BLK: variants seen among roughly 807,000 people sequenced by gnomAD.
The protein encoded by BLK is tyrosine-protein kinase Blk.
BLK carries 64 observed loss-of-function variants against 61.8 expected under a neutral mutation model. That is an observed-to-expected ratio of 1.03 (90% confidence interval 0.85 to 1.27). The LOEUF is 1.27. BLK is among the 50% of genes most tolerant of loss of function. The pLI, the probability that BLK is intolerant of heterozygous loss-of-function variation, is 0.00. For synonymous variants in BLK, 351 were observed against 272.0 expected, an observed-to-expected ratio of 1.29 and a Z score of -2.86; for missense variants, 853 against 660.5, an observed-to-expected ratio of 1.29 and a Z score of -3.19.
At chr8:11,519,526 G>T (rs994001780) in intron 1 of BLK, among the ~76,000 whole-genome samples, 2 of 152,130 alleles carry the variant, frequency 1.3e-5, no homozygotes, top group African/African-American at 2.4e-5. Flanking sequence ...CATTAAAAAG[G>T]TTTATGGTAC....
At position 11,555,409 on chromosome 8, in the gene BLK, G is replaced by A. The variant is rs751627957; in HGVS notation, c.697G>A (p.Glu233Lys). The A allele has an allele frequency of 1.4e-5, 22 of 1,614,076 alleles. No individual in the cohort carries two copies. In the South Asian group the frequency reaches 2.0e-4, roughly 14 times the overall value. ...CCCGCAGAATCCCTGGGCCCAGGATGAATGGGAGATCCCCCGGCAGTCTCT... is the reference window on the plus strand; with the variant it reads ...CCCGCAGAATCCCTGGGCCCAGGATAAATGGGAGATCCCCCGGCAGTCTCT... Reference protein sequence around the residue: ...PAPQNPWAQDEWEIPRQSLRL... With the variant: ...PAPQNPWAQDKWEIPRQSLRL... Residue 233 changes from glutamate to lysine, a missense_variant, in exon 8 of 13, where the codon GAA (glutamate) becomes AAA (lysine). Glu to Lys is a moderately conservative substitution (Grantham distance 56). Coordinates refer to ENST00000259089, the MANE Select transcript of BLK (RefSeq NM_001715.3).
At chr8:11,506,878 G>A (rs1798789896) in intron 1 of BLK, among the ~76,000 whole-genome samples, 1 of 152,208 alleles carries the variant, frequency 6.6e-6, no homozygotes, top group Non-Finnish European at 1.5e-5. Flanking sequence ...TGCCCAAACT[G>A]ACTCAACAAG....
At chr8:11,540,898 G>T (rs1800345787) in intron 1 of BLK, among the ~76,000 whole-genome samples, 1 of 150,250 alleles carries the variant, frequency 6.7e-6, no homozygotes, top group Non-Finnish European at 1.5e-5. Context: ...CTGTTACAAA[G>T]CCAGCGCACC....
chr8:11,503,921 G>T (rs1798661048), intron 1 of BLK, among the ~76,000 whole-genome samples: 2 of 152,146 alleles, frequency 1.3e-5, no homozygotes, highest in African/African-American at 4.8e-5. Flanking sequence ...ACTAGCAAGT[G>T]GGAATCAAAA....
intron 1 of BLK, among the ~76,000 whole-genome samples, chr8:11,539,086 G>A (rs1348369669): frequency 2.0e-5 from 3 of 149,730 alleles, no homozygotes; most frequent in Admixed American, 2.0e-4. Flanking sequence ...TTTTTTTTTT[G>A]TTTTGTTTTG....
intron 1 of BLK, among the ~76,000 whole-genome samples, chr8:11,508,960 A>G (rs943616982): frequency 6.6e-6 from 1 of 152,022 alleles, no homozygotes; most frequent in African/African-American, 2.4e-5. Context: ...CTACTCATCA[A>G]TTCCCCCCAG....
intron 4 of BLK, 117 bp downstream of exon 4, chr8:11,548,242 C>A: frequency 1.2e-6 from 1 of 856,758 alleles, no homozygotes; most frequent in Non-Finnish European, 1.9e-6. Flanking sequence ...CATCGCCCTG[C>A]CCCCAGCCCT....
At chr8:11,519,890 A>T (rs1799372704) in intron 1 of BLK, among the ~76,000 whole-genome samples, 1 of 152,208 alleles carries the variant, frequency 6.6e-6, no homozygotes, top group Admixed American at 6.5e-5. Flanking sequence ...CAGAAAGACT[A>T]AGAAGAAATA....
At chr8:11,513,440 T>A (rs1480359599) in intron 1 of BLK, among the ~76,000 whole-genome samples, 1 of 152,108 alleles carries the variant, frequency 6.6e-6, no homozygotes, top group Non-Finnish European at 1.5e-5. Context: ...GGCATGAGAG[T>A]GCCAGGGCTG....
rs780324421 is a variant in BLK at position 11,554,834 on chromosome 8, C to CATCT, written c.565_568dup (p.Ser190TyrfsTer19). 2 of 1,614,026 alleles carry CATCT rather than the reference C, an allele frequency of 1.2e-6. No individual in the cohort carries two copies. Among genetic ancestry groups the CATCT allele is most frequent in the Non-Finnish European group, 1.7e-6 (2 of 1,179,988 alleles). ...GCTGCCTGGATGAAGGGGGCTACTA[C>CATCT]ATCTCCCCCCGGATCACCTTCCCCT... On this transcript the variant is annotated frameshift_variant, in exon 7 of 13. Transcript: ENST00000259089. LOFTEE classifies it high-confidence loss of function.
chr8:11,501,871 G>A (rs2618469), intron 1 of BLK, among the ~76,000 whole-genome samples: 127,914 of 152,100 alleles, frequency 0.84, 53,995 homozygotes, highest in Admixed American at 0.89. Context: ...GAACTGGGTA[G>A]TAGTTTTTCA....
At chr8:11,545,369 C>T (rs774901278) in intron 2 of BLK, among the ~76,000 whole-genome samples, 3 of 152,028 alleles carry the variant, frequency 2.0e-5, no homozygotes, top group African/African-American at 4.8e-5. Context: ...GCCAACATGG[C>T]GAAAACCTGT....
intron 1 of BLK, among the ~76,000 whole-genome samples, chr8:11,541,522 G>A (rs1412278496): frequency 1.3e-5 from 2 of 149,924 alleles, no homozygotes; most frequent in Non-Finnish European, 3.0e-5. Context: ...TTTCGAGATG[G>A]AGTCTCACTC....
chr8:11,549,987 G>A (rs933184224), intron 5 of BLK, 172 bp from the exon 6 acceptor site: 48 of 680,732 alleles, frequency 7.1e-5, no homozygotes, highest in Non-Finnish European at 1.3e-4. Context: ...GGGCAGCGGG[G>A]CAGAGGGCAC....
chr8:11,531,051 T>C (rs1467912416), intron 1 of BLK, among the ~76,000 whole-genome samples: 1 of 152,222 alleles, frequency 6.6e-6, no homozygotes, highest in Admixed American at 6.5e-5. Flanking sequence ...GGTTGTGTGG[T>C]GGCATTTCAC....
chr8:11,561,339 C>G lies in BLK; in HGVS notation c.1067C>G (p.Ser356Cys), dbSNP rs749149481. Residue 356 changes from serine (S) to cysteine (C), a missense_variant, in exon 11 of 13, where the codon TCC (serine) becomes TGC (cysteine). Transcript: ENST00000259089. ...EGMAYIERMN[S>C]IHRDLRAANI... The stretch of plus-strand genomic sequence containing the variant: ...ATGGCATACATTGAGCGCATGAATT[C>G]CATCCACCGCGACCTGCGGGCGGCC... 1.2e-6 allele frequency: 2 copies of G among 1,614,034 alleles called. No homozygotes were observed. The highest frequency in any genetic ancestry group is 3.3e-5 in the Admixed American group (2 of 60,012).
At chr8:11,550,067 C>T (rs1301105922) in intron 5 of BLK, 92 bp from the exon 6 acceptor site, 1 of 1,157,204 alleles carries the variant, frequency 8.6e-7, no homozygotes, top group African/African-American at 1.5e-5. Context: ...ATTTTTATTT[C>T]TTGGGGACAG....
At chr8:11,536,010 A>G (rs1800118135) in intron 1 of BLK, among the ~76,000 whole-genome samples, 1 of 152,268 alleles carries the variant, frequency 6.6e-6, no homozygotes, top group Non-Finnish European at 1.5e-5. Context: ...GTTGAGTTAT[A>G]TACGAACCTT....
At chr8:11,495,349 T>G (rs1005336431) in intron 1 of BLK, among the ~76,000 whole-genome samples, 1 of 152,140 alleles carries the variant, frequency 6.6e-6, no homozygotes, top group Non-Finnish European at 1.5e-5. Flanking sequence ...GTGCATATCC[T>G]CCTCCCTCGG....
Sources: gnomAD v4.1 joint callset for allele counts (sites outside exome capture counted in the v4.1 genomes callset) on GRCh38, gnomAD v4.1.1 for gene constraint, MANE v1.5 for transcripts, NCBI Gene and HGNC (gene_info 2026-07-23, HGNC 2026-07-21) for gene names.